KALRN: variants seen among roughly 807,000 people sequenced by gnomAD.
KALRN encodes kalirin.
Under a neutral mutation model 353.7 loss-of-function variants are expected in KALRN, and 70 were observed. The ratio of observed to expected loss-of-function variants is 0.20; its 90% CI spans 0.16 to 0.24. The LOEUF (loss-of-function observed/expected upper bound fraction) is 0.24. Among genes scored for constraint, KALRN ranks in the 10% least tolerant of loss-of-function variants. KALRN has a pLI of 1.00. For synonymous variants in KALRN, 1,391 were observed against 1,434.8 expected, an observed-to-expected ratio of 0.97 and a Z score of 0.69; for missense variants, 2,791 against 3,756.7, an observed-to-expected ratio of 0.74 and a Z score of 6.72.
At chr3:124,202,541 C>G (rs948073325) in intron 1 of KALRN, among the ~76,000 whole-genome samples, 32 of 152,114 alleles carry the variant, frequency 2.1e-4, no homozygotes, top group African/African-American at 7.7e-4. Context: ...TTTGAGCCAC[C>G]GTGCAGCCTA....
intron 51 of KALRN, among the ~76,000 whole-genome samples, chr3:124,690,939 A>G (rs770341514): frequency 4.6e-5 from 7 of 152,238 alleles, no homozygotes; most frequent in East Asian, 1.9e-4. Context: ...TTACTGGTTC[A>G]TAAGTTCTTG....
intron 1 of KALRN, among the ~76,000 whole-genome samples, chr3:124,190,877 T>G (rs1224787083): frequency 6.6e-6 from 1 of 152,164 alleles, no homozygotes; most frequent in African/African-American, 2.4e-5. Context: ...AGCATTGGAT[T>G]CCACAGATTA....
intron 34 of KALRN, among the ~76,000 whole-genome samples, chr3:124,611,763 G>T (rs373679813): frequency 2.6e-5 from 4 of 152,198 alleles, no homozygotes; most frequent in African/African-American, 9.7e-5. Context: ...CTTTCCAACT[G>T]CATTTCATGT....
At chr3:124,618,740 T>C (rs1448426904) in intron 34 of KALRN, among the ~76,000 whole-genome samples, 2 of 152,150 alleles carry the variant, frequency 1.3e-5, no homozygotes, top group African/African-American at 2.4e-5. Context: ...GATATGGAGC[T>C]TGGGAGGGCT....
Position 124,265,931 on chromosome 3 carries a change from C to G in KALRN, c.456+1241C>G, listed in dbSNP as rs543812196. Among the ~76,000 whole-genome samples, 22 of 152,118 alleles carry G rather than the reference C, an allele frequency of 1.4e-4. No homozygotes were observed. In the South Asian group the frequency reaches 4.6e-3, roughly 32 times the overall value. On this transcript the variant is annotated intron_variant, in intron 4 of 59. Transcript: ENST00000682506. ...AGGAGTTCAAGACCAGCCTGGCCAACATGGTGAAACCCTGTCTCTACTAAA... is the reference window on the plus strand; with the variant it reads ...AGGAGTTCAAGACCAGCCTGGCCAAGATGGTGAAACCCTGTCTCTACTAAA...
At chr3:124,157,617 A>G (rs923318899) in intron 1 of KALRN, among the ~76,000 whole-genome samples, 2 of 152,198 alleles carry the variant, frequency 1.3e-5, no homozygotes, top group Non-Finnish European at 2.9e-5. Context: ...GTTTTAGTAC[A>G]AATAGATCAT....
intron 51 of KALRN, among the ~76,000 whole-genome samples, chr3:124,689,894 G>A (rs192705468): frequency 6.6e-5 from 10 of 152,306 alleles, no homozygotes; most frequent in African/African-American, 2.2e-4. Context: ...TCAGTAAGAC[G>A]TTATGGTACT....
chr3:124,676,359 C>A (rs186232341), intron 49 of KALRN, among the ~76,000 whole-genome samples: 1 of 152,154 alleles, frequency 6.6e-6, no homozygotes, highest in Non-Finnish European at 1.5e-5. Context: ...GTGGAGGACA[C>A]TCAGCACACC....
At chr3:124,637,792 CA>C (rs2081530586) in intron 37 of KALRN, among the ~76,000 whole-genome samples, 1 of 152,294 alleles carries the variant, frequency 6.6e-6, no homozygotes, top group South Asian at 2.1e-4. Flanking sequence ...GTGGATACCT[CA>C]CCACAATAAA....
At chr3:124,218,907 A>G (rs1189628161) in intron 1 of KALRN, among the ~76,000 whole-genome samples, 2 of 152,250 alleles carry the variant, frequency 1.3e-5, no homozygotes, top group Non-Finnish European at 2.9e-5. Flanking sequence ...AAAGTGTTAC[A>G]AATTTCCATT....
At chr3:124,698,873 C>T (rs1202270688) in intron 55 of KALRN, among the ~76,000 whole-genome samples, 1 of 152,134 alleles carries the variant, frequency 6.6e-6, no homozygotes, top group African/African-American at 2.4e-5. Flanking sequence ...CTGAGACTTC[C>T]ATCTAGTTAG....
At chr3:124,491,161 A>C (rs1013154152) in intron 30 of KALRN, among the ~76,000 whole-genome samples, 162 bp from the exon 31 acceptor site, 10 of 151,880 alleles carry the variant, frequency 6.6e-5, no homozygotes, top group Non-Finnish European at 1.5e-4. Flanking sequence ...AGGTCCTTTC[A>C]TCCTGGGTAG....
intron 33 of KALRN, among the ~76,000 whole-genome samples, chr3:124,525,227 A>G (rs1267071429): frequency 6.6e-6 from 1 of 152,186 alleles, no homozygotes; most frequent in African/African-American, 2.4e-5. Context: ...GTTAGAATTT[A>G]GAGAGTTCAG....
chr3:124,050,554 G>C (rs2040927841), intron 1 of KALRN, among the ~76,000 whole-genome samples: 2 of 152,176 alleles, frequency 1.3e-5, no homozygotes, highest in African/African-American at 4.8e-5. Flanking sequence ...AACCATTAGG[G>C]TATTTCCAAA....
intron 32 of KALRN, 24 bp from the exon 33 acceptor site, chr3:124,496,287 G>GTT (rs768111540): frequency 6.3e-7 from 1 of 1,590,856 alleles, no homozygotes; most frequent in Non-Finnish European, 8.6e-7. Flanking sequence ...CCCCACCCCT[G>GTT]TTTTTTTTCT....
At chr3:124,208,605 T>C (rs1325833665) in intron 1 of KALRN, among the ~76,000 whole-genome samples, 1 of 152,178 alleles carries the variant, frequency 6.6e-6, no homozygotes, top group Non-Finnish European at 1.5e-5. Context: ...GTTCTCCTGC[T>C]TCCACTGTCT....
In KALRN at chr3:124,708,017, C is replaced by T. The variant is rs74600332; in HGVS notation, c.8076-4918C>T. Among the ~76,000 whole-genome samples the T allele has an allele frequency of 1.6e-4, 24 of 152,292 alleles. No individual in the cohort carries two copies. In the East Asian group the frequency reaches 4.6e-3, roughly 29 times the overall value. ...CTCAGACTAATCTTTGTGTGGTGCT[C>T]ACAAGGGGCAGACCTAAAAGCATAG... On this transcript the variant is annotated intron_variant, in intron 57 of 59. Transcript: ENST00000682506.
chr3:124,451,705 C>G (rs2058804006), intron 21 of KALRN, among the ~76,000 whole-genome samples: 1 of 152,180 alleles, frequency 6.6e-6, no homozygotes, highest in Admixed American at 6.5e-5. Context: ...CTCAGTGACT[C>G]AGCCCCATGG....
intron 34 of KALRN, among the ~76,000 whole-genome samples, chr3:124,604,292 A>G (rs375844034): frequency 1.3e-5 from 2 of 152,164 alleles, no homozygotes; most frequent in East Asian, 1.9e-4. Context: ...CAATGCTTTC[A>G]TGTTTTTTAA....
Sources: allele counts gnomAD v4.1 joint callset (sites outside exome capture counted in the v4.1 genomes callset), GRCh38; gene constraint gnomAD v4.1.1; transcripts MANE v1.5; gene names NCBI Gene and HGNC (gene_info 2026-07-23, HGNC 2026-07-21).